The following SAMD12 variants were observed in gnomAD, a reference collection of about 807,000 sequenced individuals.
SAMD12 encodes sterile alpha motif domain-containing protein 12.
In SAMD12, 9 loss-of-function variants were observed where a neutral mutation model predicts 15.0. The observed-to-expected ratio is 0.60, with a 90% CI of 0.36 to 1.05. The LOEUF (loss-of-function observed/expected upper bound fraction) is 1.05. Among genes scored for constraint, SAMD12 ranks in the 50% least tolerant of loss-of-function variants. The probability of loss-of-function intolerance (pLI) is 0.01; values close to 1 mark genes in which losing one functional copy is unlikely to be tolerated. For missense variants in SAMD12, 230 were observed against 234.2 expected, an observed-to-expected ratio of 0.98 and a Z score of 0.12; for synonymous variants, 86 against 90.1, an observed-to-expected ratio of 0.96 and a Z score of 0.25.
At chr8:118,220,689 A>G (rs536716717) in intron 4 of SAMD12, among the ~76,000 whole-genome samples, 1 of 152,342 alleles carries the variant, frequency 6.6e-6, no homozygotes, top group East Asian at 1.9e-4. Context: ...CAAGATCTAG[A>G]CTTGGCCAAG....
Position 118,297,341 on chromosome 8 carries a change from C to T in SAMD12, c.433+82219G>A, listed in dbSNP as rs143041693. On this transcript the variant is annotated intron_variant, in intron 4 of 4. Transcript: ENST00000409003. ...CCCCAACTTGATGATATAACTGATC[C>T]TAAGACTATCCAAAAGAATGTCACT... 6.6e-3 allele frequency among the ~76,000 whole-genome samples: 1,010 copies of T among 152,192 alleles called. 14 individuals carry two copies. Among genetic ancestry groups the T allele is most frequent in the African/African-American group, 0.023 (963 of 41,520 alleles).
intron 4 of SAMD12, among the ~76,000 whole-genome samples, chr8:118,286,491 C>T (rs1814027328): frequency 6.6e-6 from 1 of 151,956 alleles, no homozygotes; most frequent in African/African-American, 2.4e-5. Flanking sequence ...TTTTTCTTTC[C>T]AGCATCTTAA....
chr8:118,310,621 A>G (rs545034707), intron 4 of SAMD12, among the ~76,000 whole-genome samples: 23 of 152,308 alleles, frequency 1.5e-4, no homozygotes, highest in African/African-American at 5.1e-4. Flanking sequence ...CTTGACTTCA[A>G]TGATTTCCCT....
intron 4 of SAMD12, among the ~76,000 whole-genome samples, chr8:118,316,077 A>G (rs1347297304): frequency 6.6e-6 from 1 of 152,142 alleles, no homozygotes; most frequent in Non-Finnish European, 1.5e-5. Flanking sequence ...AAAATTCTAG[A>G]ACTCTCTCAC....
At chr8:118,257,226 A>T (rs1244437853) in intron 4 of SAMD12, among the ~76,000 whole-genome samples, 2 of 152,060 alleles carry the variant, frequency 1.3e-5, no homozygotes, top group African/African-American at 4.8e-5. Context: ...AATGCTAGAG[A>T]AGTAGTATCT....
At chr8:118,259,580 C>G (rs1255693367) in intron 4 of SAMD12, among the ~76,000 whole-genome samples, 1 of 152,092 alleles carries the variant, frequency 6.6e-6, no homozygotes, top group Non-Finnish European at 1.5e-5. Flanking sequence ...TATGTGGCCC[C>G]TCTCAGTTTC....
At chr8:118,496,665 A>G (rs1331142227) in intron 2 of SAMD12, among the ~76,000 whole-genome samples, 1 of 152,190 alleles carries the variant, frequency 6.6e-6, no homozygotes, top group Non-Finnish European at 1.5e-5. Flanking sequence ...GCCTTGGCAA[A>G]GATTTCATGA....
intron 1 of SAMD12, among the ~76,000 whole-genome samples, chr8:118,619,955 C>T (rs1828349416): frequency 6.6e-6 from 1 of 152,164 alleles, no homozygotes; most frequent in African/African-American, 2.4e-5. Context: ...GTTTAAAATA[C>T]TTCCTTCATT....
At chr8:118,397,202 G>A (rs1586662304) in intron 3 of SAMD12, among the ~76,000 whole-genome samples, 1 of 152,294 alleles carries the variant, frequency 6.6e-6, no homozygotes, top group African/African-American at 2.4e-5. Flanking sequence ...CATTAGAACT[G>A]ACATACAAAC....
chr8:118,533,936 A>T (rs1825761682), intron 2 of SAMD12, among the ~76,000 whole-genome samples: 1 of 152,124 alleles, frequency 6.6e-6, no homozygotes, highest in African/African-American at 2.4e-5. Context: ...CATTTAGCCC[A>T]TTTACATTTG....
At chr8:118,444,656 T>C (rs533722991) in intron 2 of SAMD12, among the ~76,000 whole-genome samples, 2 of 152,326 alleles carry the variant, frequency 1.3e-5, no homozygotes, top group East Asian at 3.9e-4. Context: ...CATTCAGTTT[T>C]AAGTTCTCCA....
intron 2 of SAMD12, among the ~76,000 whole-genome samples, chr8:118,492,107 T>C (rs1003423292): frequency 6.6e-6 from 1 of 150,462 alleles, no homozygotes; most frequent in East Asian, 1.9e-4. Context: ...TCCACATCAC[T>C]GATACTGGTG....
At chr8:118,515,185 A>ATTTTTTTTTTTTTTTTTTTTTTT (rs55864364) in intron 2 of SAMD12, among the ~76,000 whole-genome samples, 2 of 103,314 alleles carry the variant, frequency 1.9e-5, no homozygotes, top group Non-Finnish European at 3.7e-5. Flanking sequence ...CGCCCAGCTA[A>ATTTTTTTTTTTTTTTTTTTTTTT]TTTTTTTTTT....
intron 4 of SAMD12, among the ~76,000 whole-genome samples, chr8:118,316,642 T>C (rs1815920903): frequency 1.3e-5 from 2 of 152,004 alleles, no homozygotes; most frequent in Non-Finnish European, 2.9e-5. Context: ...TCCCTTTGAC[T>C]CCTGGAAGGA....
intron 1 of SAMD12, among the ~76,000 whole-genome samples, chr8:118,587,250 A>G (rs914236984): frequency 1.3e-5 from 2 of 152,218 alleles, no homozygotes; most frequent in African/African-American, 4.8e-5. Context: ...CTTCCCTAAT[A>G]TAATATACAC....
At chr8:118,139,404 C>A in the SAMD12 span, among the ~76,000 whole-genome samples, 2 of 152,146 alleles carry the variant, frequency 1.3e-5, no homozygotes, top group African/African-American at 4.8e-5. Context: ...TGTCACCCAG[C>A]CTAGAGGGCA....
intron 2 of SAMD12, among the ~76,000 whole-genome samples, chr8:118,548,484 G>C (rs1023896803): frequency 3.3e-5 from 5 of 151,842 alleles, no homozygotes; most frequent in Non-Finnish European, 7.4e-5. Flanking sequence ...TAGTTGTTTG[G>C]TCAAATGTGT....
At chr8:118,509,327 C>T (rs1825009263) in intron 2 of SAMD12, among the ~76,000 whole-genome samples, 1 of 152,164 alleles carries the variant, frequency 6.6e-6, no homozygotes, top group Non-Finnish European at 1.5e-5. Flanking sequence ...AGAGTTGCCA[C>T]ATCTAAGTTG....
intron 1 of SAMD12, among the ~76,000 whole-genome samples, chr8:118,596,402 C>A (rs1466286830): frequency 6.6e-6 from 1 of 152,222 alleles, no homozygotes. Flanking sequence ...ACATCTGAAA[C>A]AAGCAGTCCA....
Sources: allele counts gnomAD v4.1 joint callset (sites outside exome capture counted in the v4.1 genomes callset), GRCh38; gene constraint gnomAD v4.1.1; transcripts MANE v1.5; gene names NCBI Gene and HGNC (gene_info 2026-07-23, HGNC 2026-07-21).